IL1RAPL2: variants seen among roughly 807,000 people sequenced by gnomAD.
IL1RAPL2 encodes X-linked interleukin-1 receptor accessory protein-like 2.
Under a neutral mutation model 44.1 loss-of-function variants are expected in IL1RAPL2, and 3 were observed. The observed-to-expected ratio is 0.07, with a 90% CI of 0.03 to 0.18. The LOEUF (loss-of-function observed/expected upper bound fraction) is 0.18. Among genes scored for constraint, IL1RAPL2 ranks in the 10% least tolerant of loss-of-function variants. IL1RAPL2 has a pLI of 1.00. For synonymous variants in IL1RAPL2, 181 were observed against 178.8 expected, an observed-to-expected ratio of 1.01 and a Z score of -0.10; for missense variants, 391 against 496.4, an observed-to-expected ratio of 0.79 and a Z score of 2.02.
At chrX:105,441,134 A>G (rs1050484944) in intron 5 of IL1RAPL2, among the ~76,000 whole-genome samples, 1 of 112,149 alleles carries the variant, frequency 8.9e-6, no homozygotes, top group African/African-American at 3.2e-5. Context: ...GACAACGTAA[A>G]GTGCTAGTAA....
chrX:105,252,197 T>A (rs939626686), intron 4 of IL1RAPL2, among the ~76,000 whole-genome samples: 5 of 111,692 alleles, frequency 4.5e-5, no homozygotes, highest in African/African-American at 1.6e-4. Flanking sequence ...TGTAGCTTTT[T>A]TGTCTGTCTT....
At chrX:105,224,152 G>A (rs376146673) in intron 3 of IL1RAPL2, among the ~76,000 whole-genome samples, 1 of 110,857 alleles carries the variant, frequency 9.0e-6, no homozygotes, top group East Asian at 2.8e-4. Flanking sequence ...GTCTTGGAAA[G>A]GGTAGCAGAT....
At chrX:104,578,291 A>T (rs1928279768) in intron 1 of IL1RAPL2, among the ~76,000 whole-genome samples, 1 of 112,269 alleles carries the variant, frequency 8.9e-6, no homozygotes, top group Admixed American at 9.5e-5. Flanking sequence ...GGGCATGTGA[A>T]AAGACAGAAA....
chrX:104,764,481 A>G (rs1404788746), intron 2 of IL1RAPL2, among the ~76,000 whole-genome samples: 1 of 111,996 alleles, frequency 8.9e-6, no homozygotes, highest in Non-Finnish European at 1.9e-5. Context: ...TTCCAAATGT[A>G]AGATGATATC....
intron 2 of IL1RAPL2, among the ~76,000 whole-genome samples, chrX:104,761,985 CT>C (rs1569309989): frequency 1.5e-4 from 10 of 66,645 alleles, no homozygotes; most frequent in African/African-American, 6.0e-4. Context: ...CTTCTTCTTC[CT>C]CCTCCTCCTC....
intron 6 of IL1RAPL2, among the ~76,000 whole-genome samples, chrX:105,640,458 C>T (rs1013898617): frequency 9.3e-6 from 1 of 107,044 alleles, no homozygotes; most frequent in Non-Finnish European, 1.9e-5. Context: ...CCATTGAGGC[C>T]CAGTTGCAAG....
At chrX:105,573,114 A>G (rs1209481344) in intron 6 of IL1RAPL2, among the ~76,000 whole-genome samples, 1 of 111,130 alleles carries the variant, frequency 9.0e-6, no homozygotes, top group Non-Finnish European at 1.9e-5. Flanking sequence ...GCTGGAGTGC[A>G]ATGGTGTGAT....
intron 5 of IL1RAPL2, among the ~76,000 whole-genome samples, chrX:105,364,282 T>G (rs2035276615): frequency 9.0e-6 from 1 of 111,659 alleles, no homozygotes; most frequent in Admixed American, 9.6e-5. Flanking sequence ...GGTCAATGTA[T>G]CTCTTTTTAT....
intron 6 of IL1RAPL2, among the ~76,000 whole-genome samples, chrX:105,686,972 T>C (rs969804966): frequency 1.8e-5 from 2 of 111,850 alleles, no homozygotes; most frequent in African/African-American, 6.5e-5. Context: ...CCTGAGTGAC[T>C]ACTGGGAAAA....
chrX:105,036,054 G>T (rs1044387276), intron 2 of IL1RAPL2, among the ~76,000 whole-genome samples: 3 of 111,660 alleles, frequency 2.7e-5, no homozygotes, highest in South Asian at 3.7e-4. Flanking sequence ...AGATCATGAG[G>T]TATCAGTGTC....
At chrX:105,088,258 G>A (rs1171809478) in intron 2 of IL1RAPL2, among the ~76,000 whole-genome samples, 1 of 111,740 alleles carries the variant, frequency 8.9e-6, no homozygotes, top group African/African-American at 3.2e-5. Flanking sequence ...CTGGTGATGA[G>A]TAAGACTCAT....
chrX:104,845,140 G>A (rs1466915667), intron 2 of IL1RAPL2, among the ~76,000 whole-genome samples: 1 of 111,671 alleles, frequency 9.0e-6, no homozygotes, highest in Non-Finnish European at 1.9e-5. Flanking sequence ...AGAACCACTG[G>A]GCTGAAATCC....
rs747556535 is a variant in IL1RAPL2 at position 105,036,831 on chromosome X, A to G, written c.83-158644A>G. On this transcript the variant is annotated intron_variant, in intron 2 of 10. Transcript: ENST00000372582. ...GCTTTTGGAGATATTGCAGCAAAAC[A>G]TGATAATAATATACAATACAAAGGG... 8.0e-5 allele frequency among the ~76,000 whole-genome samples: 9 copies of G among 112,254 alleles called. No individual in the cohort carries two copies. The South Asian group carries it at 1.8e-3, about 23-fold the overall frequency.
intron 2 of IL1RAPL2, among the ~76,000 whole-genome samples, chrX:104,829,485 A>G (rs1001351256): frequency 1.8e-5 from 2 of 112,027 alleles, no homozygotes; most frequent in East Asian, 5.6e-4. Flanking sequence ...TCCCAATGAA[A>G]TGAACTGGGT....
chrX:105,490,570 TCTA>T (rs1468265890), intron 6 of IL1RAPL2, among the ~76,000 whole-genome samples: 2 of 112,014 alleles, frequency 1.8e-5, no homozygotes, highest in Non-Finnish European at 3.8e-5. Flanking sequence ...TGTAAAAGAC[TCTA>T]CAAGAGAATA....
chrX:105,090,957 C>T (rs114987736), intron 2 of IL1RAPL2, among the ~76,000 whole-genome samples: 5,141 of 111,565 alleles, frequency 0.046, 272 homozygotes, highest in African/African-American at 0.16. Flanking sequence ...CCAGCTGGCC[C>T]TAGATACTTA....
intron 5 of IL1RAPL2, among the ~76,000 whole-genome samples, chrX:105,339,748 A>G (rs1446939247): frequency 9.0e-6 from 1 of 111,525 alleles, no homozygotes; most frequent in Non-Finnish European, 1.9e-5. Context: ...TGATGATCAG[A>G]TGTAATCAGG....
intron 3 of IL1RAPL2, among the ~76,000 whole-genome samples, chrX:105,206,482 T>C (rs1263681218): frequency 8.9e-6 from 1 of 112,061 alleles, no homozygotes; most frequent in Non-Finnish European, 1.9e-5. Flanking sequence ...TCTCAATTAT[T>C]ATCTGTTTTC....
intron 5 of IL1RAPL2, among the ~76,000 whole-genome samples, chrX:105,276,753 T>C (rs2034489577): frequency 8.9e-6 from 1 of 112,295 alleles, no homozygotes; most frequent in Non-Finnish European, 1.9e-5. Context: ...AGTAGGACTT[T>C]TATTAAACAA....
Sources: allele counts gnomAD v4.1 joint callset (sites outside exome capture counted in the v4.1 genomes callset), GRCh38; gene constraint gnomAD v4.1.1; transcripts MANE v1.5; gene names NCBI Gene and HGNC (gene_info 2026-07-23, HGNC 2026-07-21).